ARHGEF28: variants seen among roughly 807,000 people sequenced by gnomAD.
ARHGEF28 encodes the protein 190 kDa guanine nucleotide exchange factor.
ARHGEF28 carries 152 observed loss-of-function variants against 206.6 expected under a neutral mutation model. That is an observed-to-expected ratio of 0.74 (90% CI 0.64 to 0.84). The LOEUF is 0.84. Ranked by LOEUF, ARHGEF28 falls within the 40% of genes least tolerant of loss-of-function variation. The pLI is 0.00. For missense variants in ARHGEF28, 2,028 were observed against 2,073.2 expected (o/e 0.98, Z 0.42); for synonymous variants, 763 against 776.4 (o/e 0.98, Z 0.29).
In ARHGEF28 at chr5:73,901,167, C is replaced by T. The variant is rs1193726794; in HGVS notation, c.3974-17C>T. On this transcript the variant is annotated splice_polypyrimidine_tract_variant and intron_variant, in intron 30 of 35. Transcript: ENST00000513042. ...GACGCTGTCCTTTTTGTTTCTGTCT[C>T]GATGGCGTGCTTCCAGCATTAGTCA... 3.7e-6 allele frequency: 6 copies of T among 1,607,220 alleles called. No homozygotes were observed. The highest frequency in any genetic ancestry group is 1.7e-4 in the Middle Eastern group (1 of 5,838).
chr5:73,788,501 A>G (rs993183216), intron 7 of ARHGEF28, among the ~76,000 whole-genome samples: 11 of 152,202 alleles, frequency 7.2e-5, no homozygotes, highest in Admixed American at 6.5e-4. Context: ...TATATTTTGT[A>G]TGTTACATGT....
At chr5:73,743,687 G>T (rs1350990767) in intron 2 of ARHGEF28, among the ~76,000 whole-genome samples, 2 of 152,048 alleles carry the variant, frequency 1.3e-5, no homozygotes, top group African/African-American at 4.8e-5. Context: ...TCAGTTTTTT[G>T]ATTCACATGT....
intron 2 of ARHGEF28, among the ~76,000 whole-genome samples, chr5:73,698,432 A>G (rs1030811926): frequency 2.0e-5 from 3 of 152,160 alleles, no homozygotes; most frequent in Non-Finnish European, 2.9e-5. Context: ...CCTGATTTGT[A>G]CAGGTCAAAT....
chr5:73,793,243 G>A (rs1477956095), intron 7 of ARHGEF28, among the ~76,000 whole-genome samples: 1 of 152,206 alleles, frequency 6.6e-6, no homozygotes, highest in Admixed American at 6.5e-5. Flanking sequence ...GACAAGGATT[G>A]TTGGTTTCTC....
At position 73,805,110 on chromosome 5, in the gene ARHGEF28, G is replaced by T. The variant is rs565642392; in HGVS notation, c.1024+9719G>T. The stretch of plus-strand genomic sequence containing the variant: ...GTAATAATCAAATACTACTTTATTT[G>T]TTGTCAAAGTGTTCCAGTTTTGGTA... On this transcript the variant is annotated intron_variant, in intron 9 of 35. Transcript: ENST00000513042. Among the ~76,000 whole-genome samples, 19 of 152,256 alleles carry T rather than the reference G, an allele frequency of 1.2e-4. No homozygotes were observed. The South Asian group carries it at 1.5e-3, about 12-fold the overall frequency.
chr5:73,741,427 A>ATATATG (rs1751424106), intron 2 of ARHGEF28, among the ~76,000 whole-genome samples: 2 of 31,216 alleles, frequency 6.4e-5, no homozygotes, highest in Non-Finnish European at 6.4e-5. Context: ...ATATATATAT[A>ATATATG]TATATATATA....
chr5:73,762,480 A>AC (rs1561386273), intron 4 of ARHGEF28, among the ~76,000 whole-genome samples: 16 of 150,870 alleles, frequency 1.1e-4, no homozygotes, highest in African/African-American at 2.9e-4. Context: ...AAAAAACAAA[A>AC]CAACAACAAC....
intron 12 of ARHGEF28, among the ~76,000 whole-genome samples, chr5:73,847,895 T>C (rs971361870): frequency 6.6e-6 from 1 of 152,160 alleles, no homozygotes; most frequent in Non-Finnish European, 1.5e-5. Flanking sequence ...CCTAATAAGA[T>C]AGGAGCCAAA....
intron 35 of ARHGEF28, among the ~76,000 whole-genome samples, chr5:73,937,588 C>G (rs925513121): frequency 1.3e-5 from 2 of 152,042 alleles, no homozygotes; most frequent in African/African-American, 4.8e-5. Flanking sequence ...TAATAATATT[C>G]GTTTTTAGTT....
chr5:73,840,537 C>G lies in ARHGEF28; in HGVS notation c.1204C>G (p.Pro402Ala), dbSNP rs747682514. The part of the protein sequence containing the change: ...NIEGITATTS[P>A]ESRGCTLWPQ... ...AGAGGGAATCACTGCCACTACCAGCCCTGAATCCAGAGGTTGCACTCTGTG... is the reference window on the plus strand; with the variant it reads ...AGAGGGAATCACTGCCACTACCAGCGCTGAATCCAGAGGTTGCACTCTGTG... The change falls in exon 11 of 36, where the codon CCT (proline) becomes GCT (alanine). Residue 402 changes from proline to alanine, a missense_variant. By Grantham distance (27) the Pro-to-Ala change is conservative. Transcript: ENST00000513042. 3 of 1,613,726 alleles carry G rather than the reference C, an allele frequency of 1.9e-6. No individual in the cohort carries two copies. The highest frequency in any genetic ancestry group is 2.7e-5 in the African/African-American group (2 of 74,896).
At chr5:73,785,749 C>T (rs1161712645) in intron 7 of ARHGEF28, among the ~76,000 whole-genome samples, 2 of 152,144 alleles carry the variant, frequency 1.3e-5, no homozygotes, top group Non-Finnish European at 2.9e-5. Context: ...ACTTTGTTGG[C>T]TTCTCCCCAT....
At chr5:73,784,890 A>G (rs1754065003) in intron 7 of ARHGEF28, among the ~76,000 whole-genome samples, 2 of 152,192 alleles carry the variant, frequency 1.3e-5, no homozygotes, top group South Asian at 4.1e-4. Flanking sequence ...AAATAAGGTT[A>G]CTTGGACATA....
At position 73,870,089 on chromosome 5, in the gene ARHGEF28, T is replaced by C; in HGVS notation, c.2446T>C (p.Trp816Arg). The change falls in exon 21 of 36, where the codon TGG becomes CGG. Residue 816 changes from tryptophan to arginine, a missense_variant. By Grantham distance (101) the Trp-to-Arg change is moderately radical. Coordinates refer to ENST00000513042, the MANE Select transcript of ARHGEF28 (RefSeq NM_001177693.2). ...IMEDVVDSSLWSDLSSDAQEF... is the reference protein window; with the variant it reads ...IMEDVVDSSLRSDLSSDAQEF... The stretch of plus-strand genomic sequence containing the variant: ...ATTAGATGTTGTGGATTCTTCTCTG[T>C]GGAGTGACCTCAGCAGTGATGCCCA... The C allele has an allele frequency of 1.2e-6, 2 of 1,613,820 alleles. No homozygotes were observed. Among genetic ancestry groups the C allele is most frequent in the South Asian group, 2.2e-5 (2 of 91,044 alleles).
chr5:73,721,427 AG>A (rs1191427298), intron 2 of ARHGEF28, among the ~76,000 whole-genome samples: 2 of 152,272 alleles, frequency 1.3e-5, no homozygotes, highest in African/African-American at 4.8e-5. Context: ...ATGTGCAAAT[AG>A]GGAAAAATCT....
At chr5:73,850,103 T>TTTTTTTTTTTTTTTTTGA (rs1452621978) in intron 13 of ARHGEF28, among the ~76,000 whole-genome samples, 1 of 151,358 alleles carries the variant, frequency 6.6e-6, no homozygotes, top group African/African-American at 2.4e-5. Context: ...TGCATTTTTA[T>TTTTTTTTTTTTTTTTTGA]GCCATGCAGA....
chr5:73,868,208 A>G lies in ARHGEF28; in HGVS notation c.2406A>G (p.Thr802=), dbSNP rs200608115. Residue 802 remains threonine, a synonymous_variant, in exon 20 of 36, where the codon ACA becomes ACG. Coordinates refer to ENST00000513042, the MANE Select transcript of ARHGEF28 (RefSeq NM_001177693.2). ...AGTCCATGGGCTCTTCTCCCTCTAC[A>G]GAGTCTTTCATAATGGAAGGTGAGG... ...LLQSMGSSPS[T]ESFIMEDVVD... is the part of the protein sequence containing the mutation. The G allele has an allele frequency of 5.7e-4, 902 of 1,589,262 alleles. 2 individuals are homozygous for G. Among genetic ancestry groups the G allele is most frequent in the Non-Finnish European group, 7.1e-4 (830 of 1,166,642 alleles).
chr5:73,741,849 T>C (rs1363101848), intron 2 of ARHGEF28, among the ~76,000 whole-genome samples: 1 of 152,190 alleles, frequency 6.6e-6, no homozygotes, highest in East Asian at 1.9e-4. Context: ...AATTGTGTAA[T>C]TTAGATCTTT....
intron 4 of ARHGEF28, among the ~76,000 whole-genome samples, chr5:73,761,254 C>A (rs1752586641): frequency 6.6e-6 from 1 of 152,108 alleles, no homozygotes; most frequent in Admixed American, 6.5e-5. Flanking sequence ...ATCTTCATAA[C>A]CTTGAAGGAG....
chr5:73,780,560 T>C, intron 6 of ARHGEF28, 116 bp from the exon 7 acceptor site: 1 of 1,108,638 alleles, frequency 9.0e-7, no homozygotes. Context: ...ACCCTCTATT[T>C]CCCAACCTCC....
Sources: allele counts gnomAD v4.1 joint callset (sites outside exome capture counted in the v4.1 genomes callset), GRCh38; gene constraint gnomAD v4.1.1; transcripts MANE v1.5; gene names NCBI Gene and HGNC (gene_info 2026-07-23, HGNC 2026-07-21).